RNF19A: variants seen among roughly 807,000 people sequenced by gnomAD.
The protein encoded by RNF19A is E3 ubiquitin-protein ligase RNF19A.
A neutral mutation model predicts 75.7 loss-of-function variants in RNF19A; 32 were observed. That is an observed-to-expected ratio of 0.42 (90% confidence interval 0.32 to 0.57). The LOEUF (loss-of-function observed/expected upper bound fraction) is 0.57. Ranked by LOEUF, RNF19A falls within the 20% of genes least tolerant of loss-of-function variation. RNF19A has a pLI of 0.10. For missense variants in RNF19A, 782 were observed against 1,036.3 expected, an observed-to-expected ratio of 0.75 and a Z score of 3.37; for synonymous variants, 335 against 345.2, an observed-to-expected ratio of 0.97 and a Z score of 0.33.
Position 100,287,085 on chromosome 8 carries a change from T to C in RNF19A, c.674+416A>G, listed in dbSNP as rs1049904690. Among the ~76,000 whole-genome samples, 1 of 152,122 alleles carries C rather than the reference T, an allele frequency of 6.6e-6. No homozygotes were observed. The highest frequency in any genetic ancestry group is 1.5e-5 in the Non-Finnish European group (1 of 68,000). The stretch of plus-strand genomic sequence containing the variant: ...CCTTTCAAAAGGGCCATTTATCTCA[T>C]ATGAGAAACATGTCAACAAAGAGAA... On this transcript the variant is annotated intron_variant, in intron 2 of 9. Transcript: ENST00000341084. This position sits in a 1 kb window ranked among gnomAD's most constrained non-coding sequence, Gnocchi z 4.1.
In RNF19A at chr8:100,322,672, T is replaced by C. The variant is rs888581691; in HGVS notation, c.-242-9300A>G. On this transcript the variant is annotated intron_variant, in intron 1 of 3. Coordinates refer to the RNF19A transcript ENST00000519527. This position sits in a 1 kb window ranked among gnomAD's most constrained non-coding sequence, Gnocchi z 5.1. ...CTGCCTTCCTCATTAAGCTTAATCA[T>C]TTCTTGTTTTTTGGTTTCAAGTGAG... Among the ~76,000 whole-genome samples the C allele has an allele frequency of 6.6e-6, 1 of 152,248 alleles. No homozygotes were observed. The highest frequency in any genetic ancestry group is 1.5e-5 in the Non-Finnish European group (1 of 68,042).
intron 2 of RNF19A, among the ~76,000 whole-genome samples, chr8:100,276,412 G>C (rs1281067675): frequency 2.0e-5 from 3 of 152,022 alleles, no homozygotes; most frequent in Non-Finnish European, 4.4e-5. Context: ...ATTAGGAATG[G>C]GGACTGGGGA....
chr8:100,327,521 G>A (rs1417178688), intron 1 of RNF19A, among the ~76,000 whole-genome samples: 2 of 152,064 alleles, frequency 1.3e-5, no homozygotes, highest in Non-Finnish European at 2.9e-5. Flanking sequence ...AAACTGCTGG[G>A]ATTACAGGCG....
At chr8:100,327,286 C>T (rs1822548145) in intron 1 of RNF19A, among the ~76,000 whole-genome samples, 1 of 120,394 alleles carries the variant, frequency 8.3e-6, no homozygotes, top group Non-Finnish European at 1.6e-5. Flanking sequence ...GAGTCTCACT[C>T]TGTCGCCCAG....
At chr8:100,262,572 T>C (rs1819771237) in intron 7 of RNF19A, among the ~76,000 whole-genome samples, 1 of 151,986 alleles carries the variant, frequency 6.6e-6, no homozygotes, top group Admixed American at 6.6e-5. Flanking sequence ...TTGGGGCAGA[T>C]CATGTGGGGC....
At chr8:100,310,117 C>A, upstream of RNF19A, 1 of 985,564 alleles carries the variant, frequency 1.0e-6, no homozygotes, top group Non-Finnish European at 1.2e-6. Context: ...CCTCCCGCAG[C>A]CCCCGCTTTC....
At chr8:100,318,731 T>A (rs117699770) in intron 1 of RNF19A, among the ~76,000 whole-genome samples, 1 of 152,342 alleles carries the variant, frequency 6.6e-6, no homozygotes, top group Non-Finnish European at 1.5e-5. Context: ...ACCCAGAAGC[T>A]TGATACCAAA....
At chr8:100,270,962 T>C (rs1023833561) in intron 3 of RNF19A, among the ~76,000 whole-genome samples, 1 of 152,150 alleles carries the variant, frequency 6.6e-6, no homozygotes, top group Non-Finnish European at 1.5e-5. Flanking sequence ...TAGCCAGCTA[T>C]ATTTTCCAAC....
At position 100,304,025 on chromosome 8, in the gene RNF19A, C is replaced by T. The variant is rs535156001; in HGVS notation, c.-94+5842G>A. 5.9e-5 allele frequency among the ~76,000 whole-genome samples: 9 copies of T among 152,244 alleles called. No individual in the cohort carries two copies. The South Asian group carries it at 1.5e-3, about 25-fold the overall frequency. ...TGCCTGGAGTGCAATGTCGCAATCTCGGCTCACTATAACCTCCACCTCTCA... is the reference window on the plus strand; with the variant it reads ...TGCCTGGAGTGCAATGTCGCAATCTTGGCTCACTATAACCTCCACCTCTCA... On this transcript the variant is annotated intron_variant, in intron 1 of 9. Transcript: ENST00000341084.
Position 100,264,828 on chromosome 8 carries a change from A to G in RNF19A, c.1192-43T>C. On this transcript the variant is annotated intron_variant, in intron 5 of 9. Coordinates refer to ENST00000341084, the MANE Select transcript of RNF19A (RefSeq NM_183419.4). The surrounding 1 kb of genome is among the most constrained non-coding windows in gnomAD (Gnocchi z 4.7). ...AGGGGTGGGGGATTAAAGAGAAAAT[A>G]CATTACAATTTAACTTAGTTGAAAA... is the stretch of plus-strand genomic sequence containing the variant. The G allele has an allele frequency of 7.3e-7, 1 of 1,362,154 alleles. No individual in the cohort carries two copies. Among genetic ancestry groups the G allele is most frequent in the Non-Finnish European group, 1.0e-6 (1 of 954,268 alleles). The allele number at this position is 1,362,154 out of a possible 1,614,324, so 84.4% of individuals were successfully genotyped here.
Position 100,275,466 on chromosome 8 carries a change from T to C in RNF19A, c.675-305A>G, listed in dbSNP as rs1216994851. Among the ~76,000 whole-genome samples, 2 of 152,010 alleles carry C rather than the reference T, an allele frequency of 1.3e-5. No homozygotes were observed. The highest frequency in any genetic ancestry group is 2.9e-5 in the Non-Finnish European group (2 of 67,990). On this transcript the variant is annotated intron_variant, in intron 2 of 9. Coordinates refer to ENST00000341084, the MANE Select transcript of RNF19A (RefSeq NM_183419.4). The surrounding 1 kb of genome is among the most constrained non-coding windows in gnomAD (Gnocchi z 4.3). ...AAGTTTGTTACATAGGTCTATTGCA[T>C]GATGCTGAGGTTTGGGCTTCTAATG...
rs548884907 is a variant in RNF19A, at chr8:100,317,839, G to T, written c.-242-4467C>A. Among the ~76,000 whole-genome samples the T allele has an allele frequency of 6.6e-6, 1 of 152,194 alleles. No homozygotes were observed. The highest frequency in any genetic ancestry group is 1.5e-5 in the Non-Finnish European group (1 of 68,044). Reference sequence around the variant, plus strand: ...AGGACACTCATGGCTTACACCTATTGTGGGGACCTGATTATTAACAGTACC... The same window carrying T: ...AGGACACTCATGGCTTACACCTATTTTGGGGACCTGATTATTAACAGTACC... On this transcript the variant is annotated intron_variant, in intron 1 of 3. Transcript: ENST00000519527. This position sits in a 1 kb window ranked among gnomAD's most constrained non-coding sequence, Gnocchi z 4.3.
At chr8:100,266,878 T>G (rs1262540296) in intron 5 of RNF19A, among the ~76,000 whole-genome samples, 3 of 152,196 alleles carry the variant, frequency 2.0e-5, no homozygotes, top group Non-Finnish European at 1.5e-5. Flanking sequence ...GACTTATAAA[T>G]ATGTTTGTCA....
chr8:100,272,941 T>C (rs1170227062), intron 3 of RNF19A, among the ~76,000 whole-genome samples: 1 of 151,980 alleles, frequency 6.6e-6, no homozygotes, highest in Non-Finnish European at 1.5e-5. Flanking sequence ...TCATATTTCA[T>C]TGCAGCTTTG....
At chr8:100,292,598 T>C (rs1287861550) in intron 1 of RNF19A, among the ~76,000 whole-genome samples, 1 of 152,122 alleles carries the variant, frequency 6.6e-6, no homozygotes, top group Non-Finnish European at 1.5e-5. Context: ...CCTTGCCCAC[T>C]CTAAGATTAT....
In RNF19A at chr8:100,330,575, T is replaced by A. The variant is rs1321840009; in HGVS notation, c.-243+5533A>T. Reference sequence around the variant, plus strand: ...GCCAGAAGCCAACATGTGGAAAGAGTCTGCAAGAGAATAAAGCCAACACAG... The same window carrying A: ...GCCAGAAGCCAACATGTGGAAAGAGACTGCAAGAGAATAAAGCCAACACAG... On this transcript the variant is annotated intron_variant, in intron 1 of 3. Transcript: ENST00000519527. The surrounding 1 kb of genome is among the most constrained non-coding windows in gnomAD (Gnocchi z 4.1). Among the ~76,000 whole-genome samples the A allele has an allele frequency of 1.3e-5, 2 of 152,022 alleles. No individual in the cohort carries two copies. Among genetic ancestry groups the A allele is most frequent in the African/African-American group, 4.8e-5 (2 of 41,364 alleles).
At chr8:100,271,351 T>A (rs899146852) in intron 3 of RNF19A, among the ~76,000 whole-genome samples, 1 of 152,210 alleles carries the variant, frequency 6.6e-6, no homozygotes, top group African/African-American at 2.4e-5. Context: ...CATTTAACAA[T>A]TTTAAACATT....
chr8:100,287,630 C>T lies in RNF19A; in HGVS notation c.545G>A (p.Arg182Gln), dbSNP rs140509691. 8.7e-6 allele frequency: 14 copies of T among 1,613,930 alleles called. No homozygotes were observed. The highest frequency in any genetic ancestry group is 4.4e-5 in the South Asian group (4 of 91,082). ...VNISCPECTE[R>Q]FNPHDIRLIL... ...CAAGCGAATATCATGGGGATTAAAC[C>T]GTTCAGTACATTCTGGGCAACTAAT... Residue 182 changes from arginine to glutamine, a missense_variant, in exon 2 of 10, where the codon CGG becomes CAG. This residue lies in a region of RNF19A where 85 missense variants were observed against 177.7 expected (regional missense o/e 0.48). Transcript: ENST00000341084. The surrounding 1 kb of genome is among the most constrained non-coding windows in gnomAD (Gnocchi z 4.1).
chr8:100,293,135 G>A (rs530208976), intron 1 of RNF19A, among the ~76,000 whole-genome samples: 19 of 152,290 alleles, frequency 1.2e-4, no homozygotes, highest in African/African-American at 3.4e-4. Context: ...TAATGCTCAC[G>A]GCTGCTCGCC....
Sources: allele counts gnomAD v4.1 joint callset (sites outside exome capture counted in the v4.1 genomes callset), GRCh38; gene constraint gnomAD v4.1.1; regional missense constraint gnomAD v4.1.1; non-coding constraint Gnocchi (gnomAD v3.1); transcripts MANE v1.5; gene names NCBI Gene and HGNC (gene_info 2026-07-23, HGNC 2026-07-21).